Variants in KPNA6 observed in about 807,000 individuals in gnomAD.
KPNA6 encodes the protein importin subunit alpha-7.
In KPNA6, 9 loss-of-function variants were observed where a neutral mutation model predicts 72.0. That is an observed-to-expected ratio of 0.13 (90% CI 0.08 to 0.22). The LOEUF (loss-of-function observed/expected upper bound fraction) is 0.22. Among genes scored for constraint, KPNA6 ranks in the 10% least tolerant of loss-of-function variants. The probability of loss-of-function intolerance (pLI) is 1.00; values close to 1 mark genes in which losing one functional copy is unlikely to be tolerated. For synonymous variants in KPNA6, 219 were observed against 242.1 expected (o/e 0.90, Z 0.89); for missense variants, 374 against 655.7 (o/e 0.57, Z 4.69).
At chr1:32,122,690 T>C (rs1400435338) in intron 1 of KPNA6, among the ~76,000 whole-genome samples, 2 of 152,082 alleles carry the variant, frequency 1.3e-5, no homozygotes, top group Non-Finnish European at 2.9e-5. Flanking sequence ...GTGCAGTGGC[T>C]CATGCCTGTA....
At chr1:32,130,957 C>A (rs1641625588) in intron 1 of KPNA6, among the ~76,000 whole-genome samples, 1 of 152,044 alleles carries the variant, frequency 6.6e-6, no homozygotes, top group Non-Finnish European at 1.5e-5. Flanking sequence ...CTCACTGGAT[C>A]AAAGACCTAA....
chr1:32,119,313 G>C (rs763010256), intron 1 of KPNA6, among the ~76,000 whole-genome samples: 2 of 151,752 alleles, frequency 1.3e-5, no homozygotes, highest in Non-Finnish European at 1.5e-5. Context: ...TTACAGGCTT[G>C]AGCCACCACA....
intron 1 of KPNA6, among the ~76,000 whole-genome samples, chr1:32,135,121 G>T (rs570713954): frequency 6.6e-6 from 1 of 152,176 alleles, no homozygotes; most frequent in African/African-American, 2.4e-5. Flanking sequence ...AGGCTGGAGT[G>T]CAGTGGCGCA....
intron 1 of KPNA6, among the ~76,000 whole-genome samples, chr1:32,149,646 C>CT (rs771523526): frequency 2.6e-5 from 4 of 152,104 alleles, no homozygotes; most frequent in Non-Finnish European, 5.9e-5. Context: ...TTATGTTTAT[C>CT]TGCCATATCT....
Position 32,171,071 on chromosome 1 carries a change from G to C in KPNA6, c.*177G>C. ...CCCTGGAGGGAGCACCCTCTGGACA[G>C]ACAGAACCATCTGAGGCTCACCTTT... On this transcript the variant is annotated 3_prime_UTR_variant, in exon 14 of 14. Transcript: ENST00000373625. The C allele has an allele frequency of 1.7e-6, 1 of 602,928 alleles. No individual in the cohort carries two copies. Among genetic ancestry groups the C allele is most frequent in the South Asian group, 2.0e-5 (1 of 49,314 alleles). The allele number at this position is 602,928 out of a possible 1,614,324, so 37.3% of individuals were successfully genotyped here.
chr1:32,142,852 C>T (rs1003756604), intron 1 of KPNA6: 3 of 896,588 alleles, frequency 3.3e-6, no homozygotes, highest in East Asian at 6.6e-5. Flanking sequence ...TCTAACCTCC[C>T]TTGTCTGCTT....
chr1:32,133,815 G>A (rs997745669), intron 1 of KPNA6, among the ~76,000 whole-genome samples: 9 of 152,068 alleles, frequency 5.9e-5, no homozygotes, highest in Non-Finnish European at 1.2e-4. Context: ...CGAGGCAGGC[G>A]GATCACTTGA....
intron 1 of KPNA6, chr1:32,142,891 T>C: frequency 9.0e-6 from 11 of 1,226,142 alleles, no homozygotes; most frequent in Non-Finnish European, 1.2e-5. Flanking sequence ...CAAATATTTG[T>C]GATAGTTTCT....
chr1:32,171,818 G>C lies in KPNA6; in HGVS notation c.*924G>C, dbSNP rs12117510. On this transcript the variant is annotated 3_prime_UTR_variant, in exon 14 of 14. Coordinates refer to ENST00000373625, the MANE Select transcript of KPNA6 (RefSeq NM_012316.5). ...CCCCCTCGAGGTTGAGAGAACCTCT[G>C]AGGTGGCTGTATTTTCTCCTAAGCT... The C allele has an allele frequency of 0.014, 2,153 of 152,248 alleles. 35 individuals are homozygous for C. Among genetic ancestry groups the C allele is most frequent in the Non-Finnish European group, 0.022 (1,475 of 68,016 alleles). The allele number at this position is 152,248 out of a possible 1,614,324, so 9.4% of individuals were successfully genotyped here.
In KPNA6 at chr1:32,173,200, C is replaced by T. The variant is rs535367465; in HGVS notation, c.*2306C>T. On this transcript the variant is annotated 3_prime_UTR_variant, in exon 14 of 14. Transcript: ENST00000373625. ...AAAAAAAAAAAAAAAAAAAAGCCTT[C>T]CCCTACCCAACCTCCGCCCATTGTT... 1.2e-4 allele frequency: 46 copies of T among 383,228 alleles called. No individual in the cohort carries two copies. Among genetic ancestry groups the T allele is most frequent in the African/African-American group, 4.4e-4 (20 of 45,182 alleles). The allele number at this position is 383,228 out of a possible 1,614,324, so 23.7% of individuals were successfully genotyped here. A position where few individuals can be genotyped will look rare whatever the true frequency, so the allele number is the denominator to read the frequency against.
intron 2 of KPNA6, among the ~76,000 whole-genome samples, chr1:32,156,618 T>C (rs1362483905): frequency 6.6e-6 from 1 of 152,214 alleles, no homozygotes; most frequent in Non-Finnish European, 1.5e-5. Flanking sequence ...AATTTAAAAC[T>C]TATGAATTGT....
intron 1 of KPNA6, among the ~76,000 whole-genome samples, chr1:32,122,868 A>G (rs1641458385): frequency 6.6e-6 from 1 of 151,460 alleles, no homozygotes; most frequent in South Asian, 2.1e-4. Flanking sequence ...GAGGTAGGAC[A>G]GTCGCTTGAA....
chr1:32,108,239 T>TCTAG, intron 1 of KPNA6, 105 bp downstream of exon 1: 40 of 1,507,192 alleles, frequency 2.7e-5, no homozygotes, highest in Non-Finnish European at 3.7e-5. Context: ...CTGCATCCCC[T>TCTAG]CTAGCTAGGT....
intron 1 of KPNA6, among the ~76,000 whole-genome samples, chr1:32,130,596 GC>G (rs1433606968): frequency 6.6e-6 from 1 of 151,926 alleles, no homozygotes; most frequent in Non-Finnish European, 1.5e-5. Flanking sequence ...GACTGCCCTG[GC>G]CAACATGGTG....
At chr1:32,142,462 C>T (rs867642092) in intron 1 of KPNA6, among the ~76,000 whole-genome samples, 6 of 151,976 alleles carry the variant, frequency 3.9e-5, no homozygotes, top group South Asian at 2.1e-4. Context: ...CAAATATAGA[C>T]GCGTTTTGAG....
chr1:32,113,922 G>C (rs1641282818), intron 1 of KPNA6, among the ~76,000 whole-genome samples: 1 of 152,126 alleles, frequency 6.6e-6, no homozygotes, highest in Admixed American at 6.5e-5. Flanking sequence ...TTATCTTGCT[G>C]TTTCCACCCC....
chr1:32,109,925 G>A (rs1340012564), intron 1 of KPNA6, among the ~76,000 whole-genome samples: 1 of 151,988 alleles, frequency 6.6e-6, no homozygotes, highest in Non-Finnish European at 1.5e-5. Flanking sequence ...AAAGTGCTGA[G>A]ATTACAAGCG....
chr1:32,165,997 CA>C (rs368832720), intron 10 of KPNA6, 107 bp from the exon 11 acceptor site: 10,233 of 980,296 alleles, frequency 0.01, no homozygotes, highest in South Asian at 0.012. Flanking sequence ...GACTCTGTCT[CA>C]AAAAAAAAAA....
At chr1:32,122,102 C>T (rs187029040) in intron 1 of KPNA6, among the ~76,000 whole-genome samples, 3 of 151,788 alleles carry the variant, frequency 2.0e-5, no homozygotes, top group Non-Finnish European at 4.4e-5. Context: ...GGTGAAACCC[C>T]GTCTGTACTA....
Sources: gnomAD v4.1 joint callset for allele counts (sites outside exome capture counted in the v4.1 genomes callset) on GRCh38, gnomAD v4.1.1 for gene constraint, MANE v1.5 for transcripts, NCBI Gene and HGNC (gene_info 2026-07-23, HGNC 2026-07-21) for gene names.